Variants in SERGEF observed in about 807,000 individuals in gnomAD.
SERGEF encodes secretion regulating guanine nucleotide exchange factor.
A neutral mutation model predicts 50.0 loss-of-function variants in SERGEF; 51 were observed. The observed-to-expected ratio is 1.02, with a 90% CI of 0.81 to 1.29. SERGEF has a LOEUF of 1.29. SERGEF is among the 50% of genes most tolerant of loss of function. The pLI, the probability that SERGEF is intolerant of heterozygous loss-of-function variation, is 0.00. For synonymous variants in SERGEF, 205 were observed against 212.4 expected (o/e 0.97, Z 0.30); for missense variants, 521 against 557.0 (o/e 0.94, Z 0.65).
intron 9 of SERGEF, among the ~76,000 whole-genome samples, chr11:17,925,197 CG>C (rs1317089618): frequency 4.6e-5 from 7 of 150,630 alleles, no homozygotes; most frequent in African/African-American, 9.8e-5. Flanking sequence ...CTGGGCACCA[CG>C]AAAGAGATAC....
At chr11:17,932,361 A>C (rs1327017545) in intron 9 of SERGEF, among the ~76,000 whole-genome samples, 1 of 152,158 alleles carries the variant, frequency 6.6e-6, no homozygotes, top group African/African-American at 2.4e-5. Context: ...GATCTCTCAG[A>C]CTCAGCAATC....
intron 9 of SERGEF, among the ~76,000 whole-genome samples, chr11:17,911,645 A>T (rs1057297502): frequency 4.6e-5 from 7 of 151,508 alleles, no homozygotes; most frequent in Non-Finnish European, 7.4e-5. Context: ...GCACCACCAC[A>T]CCCAGCTAAT....
intron 7 of SERGEF, among the ~76,000 whole-genome samples, chr11:17,989,027 A>G (rs1203405664): frequency 6.6e-6 from 1 of 152,244 alleles, no homozygotes; most frequent in Non-Finnish European, 1.5e-5. Flanking sequence ...TTTTCATTCA[A>G]CAAATATTTA....
chr11:17,854,797 G>C (rs1158083830), intron 10 of SERGEF: 1 of 152,150 alleles, frequency 6.6e-6, no homozygotes, highest in Non-Finnish European at 1.5e-5. Flanking sequence ...TCTCACCTTT[G>C]ACAGGTAAAA....
At chr11:17,890,164 C>G (rs1438602191) in intron 9 of SERGEF, among the ~76,000 whole-genome samples, 1 of 151,980 alleles carries the variant, frequency 6.6e-6, no homozygotes, top group Non-Finnish European at 1.5e-5. Flanking sequence ...CAGAGCCTGG[C>G]TGGACAGCTG....
In SERGEF at chr11:17,788,295, C is replaced by A; in HGVS notation, c.1167G>T (p.Val389=). 3 of 1,614,184 alleles carry A rather than the reference C, an allele frequency of 1.9e-6. No individual in the cohort carries two copies. The highest frequency in any genetic ancestry group is 2.5e-6 in the Non-Finnish European group (3 of 1,180,030). The change falls in exon 11 of 11, where the codon GTG becomes GTT. Residue 389 remains valine (V), a synonymous_variant. Coordinates refer to ENST00000265965, the MANE Select transcript of SERGEF (RefSeq NM_012139.4). ...QALLSSSGLL[V]GCGAGHSLAL... is the part of the protein sequence containing the mutation. ...CCAAGGAGTGGCCAGCCCCACAGCC[C>A]ACAAGGAGTCCTGACGATGACAGCA...
At chr11:17,870,595 C>T (rs1276243386) in intron 10 of SERGEF, among the ~76,000 whole-genome samples, 1 of 152,196 alleles carries the variant, frequency 6.6e-6, no homozygotes, top group African/African-American at 2.4e-5. Context: ...GAAGATAATA[C>T]ATTTGTCTTG....
chr11:17,881,886 T>G (rs1253323685), intron 9 of SERGEF, among the ~76,000 whole-genome samples: 1 of 152,208 alleles, frequency 6.6e-6, no homozygotes, highest in Admixed American at 6.5e-5. Context: ...CCAGTGTTGG[T>G]AGGATAAAGC....
Position 17,804,051 on chromosome 11 carries a change from C to T in SERGEF, c.1049-15638G>A, listed in dbSNP as rs558191534. 9.9e-5 allele frequency among the ~76,000 whole-genome samples: 15 copies of T among 152,276 alleles called. No homozygotes were observed. The South Asian group carries it at 1.5e-3, about 15-fold the overall frequency. On this transcript the variant is annotated intron_variant, in intron 10 of 10. Coordinates refer to ENST00000265965, the MANE Select transcript of SERGEF (RefSeq NM_012139.4). ...TCAGACACCTAGTGGGGCCTATGTT[C>T]CTACAGGATTGTATGACCAAGGCTA...
At chr11:17,873,935 C>T (rs777918924) in intron 10 of SERGEF, among the ~76,000 whole-genome samples, 8 of 152,198 alleles carry the variant, frequency 5.3e-5, no homozygotes, top group Non-Finnish European at 1.2e-4. Context: ...GGAAGCACAA[C>T]AGCTGGAGCC....
At chr11:17,894,101 T>C (rs747501470) in intron 9 of SERGEF, among the ~76,000 whole-genome samples, 1 of 152,176 alleles carries the variant, frequency 6.6e-6, no homozygotes, top group Non-Finnish European at 1.5e-5. Context: ...AGATCTTCCA[T>C]GGTCTAGACC....
At chr11:17,940,621 T>A (rs1453156120) in intron 9 of SERGEF, among the ~76,000 whole-genome samples, 1 of 152,112 alleles carries the variant, frequency 6.6e-6, no homozygotes, top group Non-Finnish European at 1.5e-5. Flanking sequence ...TTGTCCAGGC[T>A]GGAGTGCAGT....
chr11:17,876,094 A>G (rs1851232198), intron 10 of SERGEF, among the ~76,000 whole-genome samples: 1 of 152,054 alleles, frequency 6.6e-6, no homozygotes, highest in Non-Finnish European at 1.5e-5. Context: ...CAAAGCCTGC[A>G]CCCTGCAGGG....
chr11:17,824,467 T>TA (rs1217953492), intron 10 of SERGEF, among the ~76,000 whole-genome samples: 1 of 152,192 alleles, frequency 6.6e-6, no homozygotes, highest in Non-Finnish European at 1.5e-5. Flanking sequence ...GTAGAACTAT[T>TA]ATAGCAATCT....
intron 9 of SERGEF, among the ~76,000 whole-genome samples, chr11:17,943,272 A>T (rs1852595173): frequency 6.6e-6 from 1 of 152,016 alleles, no homozygotes; most frequent in African/African-American, 2.4e-5. Context: ...AGATATTCTG[A>T]TTTTCTATTT....
At chr11:17,969,631 G>A (rs1853203178) in intron 8 of SERGEF, among the ~76,000 whole-genome samples, 1 of 152,152 alleles carries the variant, frequency 6.6e-6, no homozygotes, top group Admixed American at 6.5e-5. Flanking sequence ...TCTGCCCAAG[G>A]ACACAGTATG....
intron 10 of SERGEF, among the ~76,000 whole-genome samples, chr11:17,877,403 C>A (rs1407027281): frequency 6.6e-6 from 1 of 152,226 alleles, no homozygotes; most frequent in Admixed American, 6.5e-5. Context: ...ATTACCAAAG[C>A]CCCTCCTAGG....
In SERGEF at chr11:17,898,937, C is replaced by T. The variant is rs142448706; in HGVS notation, c.1012-20693G>A. On this transcript the variant is annotated intron_variant, in intron 9 of 10. Coordinates refer to ENST00000265965, the MANE Select transcript of SERGEF (RefSeq NM_012139.4). Reference sequence around the variant, plus strand: ...CATGAATGATTTAGCACCACCCTCTCGGTGCTATTCTCATGATAGTGAGTG... The same window carrying T: ...CATGAATGATTTAGCACCACCCTCTTGGTGCTATTCTCATGATAGTGAGTG... Among the ~76,000 whole-genome samples, 848 of 152,202 alleles carry T rather than the reference C, an allele frequency of 5.6e-3. 10 individuals carry two copies. The highest frequency in any genetic ancestry group is 0.019 in the African/African-American group (807 of 41,518).
At chr11:17,918,798 A>G (rs1012852290) in intron 9 of SERGEF, 2 of 422,454 alleles carry the variant, frequency 4.7e-6, no homozygotes, top group African/African-American at 4.1e-5. Context: ...AAAGCAGAAT[A>G]TGGATTAGGC....
Sources: allele counts gnomAD v4.1 joint callset (sites outside exome capture counted in the v4.1 genomes callset), GRCh38; gene constraint gnomAD v4.1.1; transcripts MANE v1.5; gene names NCBI Gene and HGNC (gene_info 2026-07-23, HGNC 2026-07-21).